The following RGS6 variants were observed in gnomAD, a reference collection of about 807,000 sequenced individuals.
RGS6 encodes regulator of G-protein signaling 6.
RGS6 carries 30 observed loss-of-function variants against 78.5 expected under a neutral mutation model. That is an observed-to-expected ratio of 0.38 (90% confidence interval 0.29 to 0.52). RGS6 has a LOEUF of 0.52. Among genes scored for constraint, RGS6 ranks in the 20% least tolerant of loss-of-function variants. The probability of loss-of-function intolerance (pLI) is 0.85; values close to 1 mark genes in which losing one functional copy is unlikely to be tolerated. For synonymous variants in RGS6, 206 were observed against 206.0 expected, an observed-to-expected ratio of 1.00 and a Z score of 0.00; for missense variants, 495 against 609.7, an observed-to-expected ratio of 0.81 and a Z score of 1.98.
At chr14:72,437,724 G>T (rs2095000311) in intron 3 of RGS6, among the ~76,000 whole-genome samples, 2 of 152,210 alleles carry the variant, frequency 1.3e-5, no homozygotes, top group African/African-American at 4.8e-5. Context: ...GTGAGAGGAA[G>T]ATGGCACATT....
intron 3 of RGS6, among the ~76,000 whole-genome samples, chr14:72,431,525 A>ATTTATTTTATTTTATTTTATTTTAT (rs56081815): frequency 1.9e-4 from 28 of 147,638 alleles, no homozygotes; most frequent in African/African-American, 6.5e-4. Flanking sequence ...ATTTTGTTTT[A>ATTTATTTTATTTTATTTTATTTTAT]TTTATTTTAT....
At chr14:72,372,678 C>A (rs2083752887) in intron 3 of RGS6, among the ~76,000 whole-genome samples, 1 of 152,186 alleles carries the variant, frequency 6.6e-6, no homozygotes, top group Non-Finnish European at 1.5e-5. Context: ...AGAACACTTT[C>A]TAAATCTAAA....
intron 3 of RGS6, among the ~76,000 whole-genome samples, chr14:72,417,786 A>G (rs1021690315): frequency 2.0e-5 from 3 of 152,216 alleles, no homozygotes; most frequent in South Asian, 4.1e-4. Context: ...AGTGCTTGAC[A>G]TAATCAGAGC....
chr14:72,218,608 CTTATTTAT>C (rs202069501), intron 2 of RGS6, among the ~76,000 whole-genome samples: 1 of 151,650 alleles, frequency 6.6e-6, no homozygotes, highest in African/African-American at 2.4e-5. Context: ...TTAAATACAT[CTTATTTAT>C]TTATTTATTT....
chr14:72,090,951 C>T (rs2153500673), intron 2 of RGS6, among the ~76,000 whole-genome samples: 1 of 152,304 alleles, frequency 6.6e-6, no homozygotes, highest in South Asian at 2.1e-4. Flanking sequence ...TGAAGTCTTG[C>T]TCCTGGTGGG....
chr14:71,869,972 A>G, the RGS6 span, among the ~76,000 whole-genome samples: 1 of 152,186 alleles, frequency 6.6e-6, no homozygotes, highest in African/African-American at 2.4e-5. Flanking sequence ...TGGACTTCTC[A>G]TCCTCCAGAA....
intron 17 of RGS6, among the ~76,000 whole-genome samples, chr14:72,551,270 T>C (rs1220425808): frequency 6.6e-6 from 1 of 152,158 alleles, no homozygotes; most frequent in African/African-American, 2.4e-5. Flanking sequence ...CATTTCTATA[T>C]TCCCTGGGGA....
At chr14:72,054,050 A>G (rs187818126) in intron 2 of RGS6, among the ~76,000 whole-genome samples, 12 of 152,334 alleles carry the variant, frequency 7.9e-5, no homozygotes, top group Admixed American at 7.8e-4. Flanking sequence ...CATAACTTCT[A>G]TCATTTATCT....
chr14:72,163,536 C>T (rs777640436), intron 2 of RGS6, among the ~76,000 whole-genome samples: 2 of 152,264 alleles, frequency 1.3e-5, no homozygotes, highest in South Asian at 4.1e-4. Context: ...CTTAGCAGAC[C>T]GGAAAACATG....
chr14:72,372,080 G>C (rs1283318010), intron 3 of RGS6, among the ~76,000 whole-genome samples: 1 of 152,206 alleles, frequency 6.6e-6, no homozygotes, highest in Non-Finnish European at 1.5e-5. Context: ...TTAGCTCCTT[G>C]TGCAGTTGAA....
chr14:72,203,122 G>A (rs1043062269), intron 2 of RGS6, among the ~76,000 whole-genome samples: 11 of 151,990 alleles, frequency 7.2e-5, no homozygotes, highest in Admixed American at 2.0e-4. Flanking sequence ...TGATCTGCCC[G>A]CCTCGGCCTC....
chr14:72,010,567 T>C (rs573221405), intron 2 of RGS6, among the ~76,000 whole-genome samples: 1 of 152,304 alleles, frequency 6.6e-6, no homozygotes, highest in African/African-American at 2.4e-5. Context: ...TTCTTGCTAG[T>C]TGTTGGCACT....
chr14:71,890,623 G>T, the RGS6 span, among the ~76,000 whole-genome samples: 2 of 152,186 alleles, frequency 1.3e-5, no homozygotes, highest in Admixed American at 1.3e-4. Context: ...TGCAGATTCT[G>T]CCATGGATGT....
At chr14:72,360,901 T>C (rs934857646) in intron 3 of RGS6, among the ~76,000 whole-genome samples, 1 of 152,154 alleles carries the variant, frequency 6.6e-6, no homozygotes, top group Admixed American at 6.5e-5. Flanking sequence ...TCCTCCATGC[T>C]ATTCTCATGA....
intron 3 of RGS6, among the ~76,000 whole-genome samples, chr14:72,404,864 A>C (rs774695491): frequency 4.6e-5 from 7 of 152,136 alleles, no homozygotes; most frequent in Non-Finnish European, 1.0e-4. Context: ...CACCCACTGT[A>C]AGAGAACGAT....
chr14:72,526,210 T>G (rs2097115661), intron 15 of RGS6, among the ~76,000 whole-genome samples: 1 of 151,932 alleles, frequency 6.6e-6, no homozygotes, highest in African/African-American at 2.4e-5. Flanking sequence ...TTCACGCCAT[T>G]CTCTTGCCTC....
At chr14:72,417,655 A>G (rs77084464) in intron 3 of RGS6, among the ~76,000 whole-genome samples, 2 of 152,338 alleles carry the variant, frequency 1.3e-5, no homozygotes, top group Non-Finnish European at 2.9e-5. Flanking sequence ...CCTTGGGCTC[A>G]TTATTTAGCA....
At chr14:72,103,215 G>A (rs1188525243) in intron 2 of RGS6, among the ~76,000 whole-genome samples, 25 of 152,056 alleles carry the variant, frequency 1.6e-4, no homozygotes, top group Non-Finnish European at 2.6e-4. Context: ...TCCCTTTCCC[G>A]TTAGGAATCT....
At chr14:72,347,698 C>T (rs2078318476) in intron 2 of RGS6, among the ~76,000 whole-genome samples, 1 of 152,102 alleles carries the variant, frequency 6.6e-6, no homozygotes, top group African/African-American at 2.4e-5. Flanking sequence ...AATGAAAATC[C>T]AGGAATAGTC....
Sources: gnomAD v4.1 joint callset for allele counts (sites outside exome capture counted in the v4.1 genomes callset) on GRCh38, gnomAD v4.1.1 for gene constraint, MANE v1.5 for transcripts, NCBI Gene and HGNC (gene_info 2026-07-23, HGNC 2026-07-21) for gene names.